The following MYO5B variants were observed in gnomAD, a reference collection of about 807,000 sequenced individuals.
The protein encoded by MYO5B is unconventional myosin-Vb.
In MYO5B, 143 loss-of-function variants were observed where a neutral mutation model predicts 229.3. The observed-to-expected ratio is 0.62, with a 90% CI of 0.54 to 0.72. MYO5B has a LOEUF of 0.72. MYO5B is among the 30% of genes least tolerant of loss of function. The pLI is 0.00. For missense variants in MYO5B, 2,321 were observed against 2,331.0 expected, an observed-to-expected ratio of 1.00 and a Z score of 0.09; for synonymous variants, 918 against 885.2, an observed-to-expected ratio of 1.04 and a Z score of -0.66.
intron 1 of MYO5B, among the ~76,000 whole-genome samples, chr18:50,063,248 AT>A (rs1187586125): frequency 6.6e-6 from 1 of 152,152 alleles, no homozygotes. Context: ...CCGTTTACTC[AT>A]TTCCATTAAA....
At chr18:49,837,840 C>A in intron 36 of MYO5B, 38 bp from the exon 37 acceptor site, 2 of 1,609,812 alleles carry the variant, frequency 1.2e-6, no homozygotes, top group South Asian at 2.2e-5. Context: ...TTGCATTCCC[C>A]ACTAACAATG....
At chr18:49,976,727 C>T (rs998569750) in intron 9 of MYO5B, among the ~76,000 whole-genome samples, 16 of 152,116 alleles carry the variant, frequency 1.1e-4, no homozygotes, top group Non-Finnish European at 2.1e-4. Flanking sequence ...TGGAGAAGCC[C>T]CCATCTTTTC....
intron 1 of MYO5B, among the ~76,000 whole-genome samples, chr18:50,108,432 GA>G (rs2144512981): frequency 6.6e-6 from 1 of 152,288 alleles, no homozygotes; most frequent in South Asian, 2.1e-4. Context: ...TCTAGTACAT[GA>G]ACAAACCACA....
At chr18:49,939,166 T>G (rs1323734077) in intron 14 of MYO5B, among the ~76,000 whole-genome samples, 1 of 135,190 alleles carries the variant, frequency 7.4e-6, no homozygotes, top group African/African-American at 3.0e-5. Context: ...TTTTTTTTTT[T>G]GAAACAGTCT....
In MYO5B at chr18:49,959,031, C is replaced by T. The variant is rs574422645; in HGVS notation, c.1545+3235G>A. On this transcript the variant is annotated intron_variant, in intron 12 of 39. Coordinates refer to ENST00000285039, the MANE Select transcript of MYO5B (RefSeq NM_001080467.3). ...CAGGGTGGACACGGCTTCTCATTCT[C>T]CCATGGTCCCTACTTTCCAACCTTA... Among the ~76,000 whole-genome samples, 5 of 152,286 alleles carry T rather than the reference C, an allele frequency of 3.3e-5. No individual in the cohort carries two copies. The East Asian group carries it at 9.7e-4, about 29-fold the overall frequency.
At chr18:49,907,076 CAGG>C (rs1486887530) in intron 18 of MYO5B, among the ~76,000 whole-genome samples, 2 of 152,058 alleles carry the variant, frequency 1.3e-5, no homozygotes, top group Non-Finnish European at 2.9e-5. Flanking sequence ...AGGAAAGTTC[CAGG>C]AGAAGGGCAG....
chr18:50,182,071 C>T (rs1178372915), intron 1 of MYO5B, among the ~76,000 whole-genome samples: 1 of 152,204 alleles, frequency 6.6e-6, no homozygotes, highest in African/African-American at 2.4e-5. Flanking sequence ...GGCTCTTTCT[C>T]CCAGCCTCAT....
At chr18:50,120,792 C>A (rs896979263) in intron 1 of MYO5B, among the ~76,000 whole-genome samples, 8 of 152,180 alleles carry the variant, frequency 5.3e-5, no homozygotes, top group African/African-American at 1.9e-4. Flanking sequence ...TCTTAATGTA[C>A]ACCCCCAGGC....
chr18:50,066,245 A>T (rs981426916), intron 1 of MYO5B, among the ~76,000 whole-genome samples: 1 of 152,182 alleles, frequency 6.6e-6, no homozygotes, highest in Non-Finnish European at 1.5e-5. Flanking sequence ...TTGTCCTCAT[A>T]TGAGCACTAA....
intron 21 of MYO5B, among the ~76,000 whole-genome samples, chr18:49,895,698 CCT>C (rs1382455414): frequency 2.6e-5 from 4 of 152,210 alleles, no homozygotes; most frequent in East Asian, 1.9e-4. Context: ...CTCTCTCACC[CCT>C]GTCAGCCATG....
At chr18:50,141,402 T>C (rs919276461) in intron 1 of MYO5B, among the ~76,000 whole-genome samples, 4 of 152,244 alleles carry the variant, frequency 2.6e-5, no homozygotes, top group African/African-American at 9.6e-5. Context: ...ACACTGCCTA[T>C]GGGGTAGACC....
At chr18:50,020,921 A>G (rs1256875199) in intron 4 of MYO5B, among the ~76,000 whole-genome samples, 1 of 152,220 alleles carries the variant, frequency 6.6e-6, no homozygotes, top group Non-Finnish European at 1.5e-5. Flanking sequence ...CAGAATTTTA[A>G]AAGCTGCTCT....
chr18:49,882,069 TC>T (rs2024592406), intron 22 of MYO5B, among the ~76,000 whole-genome samples: 1 of 152,068 alleles, frequency 6.6e-6, no homozygotes, highest in Admixed American at 6.6e-5. Context: ...TAAAATCACA[TC>T]CCTGCCTTTG....
At chr18:49,985,219 G>T (rs918811740) in intron 7 of MYO5B, among the ~76,000 whole-genome samples, 1 of 152,146 alleles carries the variant, frequency 6.6e-6, no homozygotes, top group Non-Finnish European at 1.5e-5. Context: ...ATCTCAGTCC[G>T]ACAAGCTCAT....
In MYO5B at chr18:49,867,041, G is replaced by GGA. The variant is rs1395720361; in HGVS notation, c.3604-2662_3604-2661insTC. On this transcript the variant is annotated intron_variant, in intron 27 of 39. Coordinates refer to ENST00000285039, the MANE Select transcript of MYO5B (RefSeq NM_001080467.3). ...GTCATGCAGAAGACAGAGCAGAGCTGGTGGGGGTCAAGAGATTCCAAAATC... is the reference window on the plus strand; with the variant it reads ...GTCATGCAGAAGACAGAGCAGAGCTGGAGTGGGGGTCAAGAGATTCCAAAATC... Among the ~76,000 whole-genome samples the GGA allele has an allele frequency of 4.0e-3, 610 of 152,226 alleles. 7 individuals carry two copies. The highest frequency in any genetic ancestry group is 0.013 in the African/African-American group (542 of 41,520).
chr18:49,952,934 C>T (rs911950150), intron 14 of MYO5B, among the ~76,000 whole-genome samples: 6 of 151,964 alleles, frequency 3.9e-5, no homozygotes, highest in Non-Finnish European at 8.8e-5. Context: ...CATCACTGCG[C>T]TCACCGTCCT....
At chr18:49,984,955 C>T in intron 7 of MYO5B, 130 bp from the exon 8 acceptor site, 1 of 722,904 alleles carries the variant, frequency 1.4e-6, no homozygotes, top group South Asian at 1.5e-5. Context: ...GGATGTGAAA[C>T]TCTTTAAAAT....
chr18:50,070,557 C>A lies in MYO5B; in HGVS notation c.28-15179G>T, dbSNP rs553034633. 5.9e-5 allele frequency among the ~76,000 whole-genome samples: 9 copies of A among 152,058 alleles called. No individual in the cohort carries two copies. In the East Asian group the frequency reaches 1.4e-3, roughly 23 times the overall value. On this transcript the variant is annotated intron_variant, in intron 1 of 39. Transcript: ENST00000285039. ...GCCGCTATAACAACATACCACAACA[C>A]GCAGGATAGCCCTTGACAACAAAAA...
At chr18:50,097,245 T>C in intron 1 of MYO5B, 1 of 456,612 alleles carries the variant, frequency 2.2e-6, no homozygotes, top group Non-Finnish European at 4.4e-6. Flanking sequence ...TGATCTCACC[T>C]CTCTTGTGAC....
Sources: allele counts gnomAD v4.1 joint callset (sites outside exome capture counted in the v4.1 genomes callset), GRCh38; gene constraint gnomAD v4.1.1; transcripts MANE v1.5; gene names NCBI Gene and HGNC (gene_info 2026-07-23, HGNC 2026-07-21).